Variants in ODF2 observed in about 807,000 individuals in gnomAD.
ODF2 encodes outer dense fiber of sperm tails 2.
A neutral mutation model predicts 110.2 loss-of-function variants in ODF2; 47 were observed. The observed-to-expected ratio is 0.43, with a 90% CI of 0.34 to 0.54. The LOEUF is 0.54. Ranked by LOEUF, ODF2 falls within the 20% of genes least tolerant of loss-of-function variation. The pLI, the probability that ODF2 is intolerant of heterozygous loss-of-function variation, is 0.03. For missense variants in ODF2, 812 were observed against 1,054.5 expected (o/e 0.77, Z 3.19); for synonymous variants, 352 against 397.7 (o/e 0.89, Z 1.37).
exon 2 of ODF2, chr9:128,457,395 G>T (rs767077912): frequency 1.9e-6 from 3 of 1,613,236 alleles, no homozygotes; most frequent in South Asian, 2.2e-5. Context: ...TTGCGGCTTT[G>T]ATGCCTAGCC....
chr9:128,485,074 T>G lies in ODF2; in HGVS notation c.1290+188T>G. ...ATCAAATGGGTAAAAGCTGGAGGGA[T>G]GGGTGGCTGGAGATGATTGGAGGCT... On this transcript the variant is annotated intron_variant, in intron 12 of 20. Coordinates refer to ENST00000604420, the Ensembl canonical transcript of ODF2. The surrounding 1 kb of genome is among the most constrained non-coding windows in gnomAD (Gnocchi z 5.0). 6.2e-6 allele frequency: 4 copies of G among 648,844 alleles called. No homozygotes were observed. The highest frequency in any genetic ancestry group is 2.8e-5 in the East Asian group (1 of 35,844). The allele number at this position is 648,844 out of a possible 1,614,324, so 40.2% of individuals were successfully genotyped here. A position where few individuals can be genotyped will look rare whatever the true frequency, so the allele number is the denominator to read the frequency against.
chr9:128,460,659 G>A, intron 3 of ODF2: 1 of 1,614,124 alleles, frequency 6.2e-7, no homozygotes, highest in Non-Finnish European at 8.5e-7. Flanking sequence ...TCAGCGACCA[G>A]CAGCCAGGTA....
rs751359242 is a variant in ODF2 at position 128,474,659 on chromosome 9, T to TA, written c.843+931dup. Among the ~76,000 whole-genome samples, 203 of 133,866 alleles carry TA rather than the reference T, an allele frequency of 1.5e-3. 1 individual carries two copies. Among genetic ancestry groups the TA allele is most frequent in the East Asian group, 0.012 (55 of 4,478 alleles). The allele number at this position is 133,866 out of a possible 152,430, so 87.8% of individuals were successfully genotyped here. On this transcript the variant is annotated intron_variant, in intron 8 of 20. Coordinates refer to ENST00000604420, the Ensembl canonical transcript of ODF2. ...CTCAGCGACAGAGCGAGACTCCATC[T>TA]AAAAAAAAAAAAACATGTCTGGGCC...
intron 1 of ODF2, chr9:128,456,680 T>G (rs1834890357): frequency 1.4e-6 from 2 of 1,424,636 alleles, no homozygotes; most frequent in African/African-American, 3.0e-5. Context: ...GGCCTCCACA[T>G]GGCAGTCACT....
At chr9:128,482,016 C>T (rs1564501616) in intron 9 of ODF2, among the ~76,000 whole-genome samples, 1 of 152,194 alleles carries the variant, frequency 6.6e-6, no homozygotes, top group Non-Finnish European at 1.5e-5. Flanking sequence ...CTAGGAATCT[C>T]TCCCAAAGCA....
At chr9:128,483,699 A>G (rs1438174818) in intron 10 of ODF2, among the ~76,000 whole-genome samples, 2 of 152,044 alleles carry the variant, frequency 1.3e-5, no homozygotes, top group Admixed American at 6.6e-5. Context: ...AGTCTGGCCA[A>G]CATGGTGAAA....
chr9:128,484,743 G>A, exon 12 of ODF2: 2 of 1,598,434 alleles, frequency 1.3e-6, no homozygotes, highest in Non-Finnish European at 1.7e-6. Flanking sequence ...AGAAGTGGAG[G>A]CCATCATGGA....
intron 1 of ODF2, chr9:128,457,014 G>A (rs1392602294): frequency 1.6e-6 from 2 of 1,269,322 alleles, no homozygotes; most frequent in African/African-American, 3.1e-5. Flanking sequence ...GGGCCGAGCG[G>A]TTCTCACCCG....
chr9:128,461,883 C>A (rs1836557464), intron 4 of ODF2, among the ~76,000 whole-genome samples: 2 of 152,188 alleles, frequency 1.3e-5, no homozygotes, highest in South Asian at 4.1e-4. Flanking sequence ...AGACTCCTTT[C>A]CCTTAGAGAC....
At chr9:128,487,566 T>G (rs1165262618) in intron 13 of ODF2, among the ~76,000 whole-genome samples, 4 of 152,024 alleles carry the variant, frequency 2.6e-5, no homozygotes. Flanking sequence ...GGCGGGCAGA[T>G]CACGAGGTCA....
At chr9:128,492,659 G>A (rs371793859) in intron 15 of ODF2, 42 bp from the exon 16 acceptor site, 68 of 1,588,800 alleles carry the variant, frequency 4.3e-5, no homozygotes, top group Non-Finnish European at 5.3e-5. Context: ...TCATCAAAAC[G>A]TGGCTCTACC....
At chr9:128,490,111 T>C (rs1222651357) in intron 14 of ODF2, among the ~76,000 whole-genome samples, 2 of 152,136 alleles carry the variant, frequency 1.3e-5, no homozygotes, top group Non-Finnish European at 2.9e-5. Context: ...AGAGGACTGC[T>C]TGAGGCCAGG....
At chr9:128,462,058 C>T (rs562835495) in intron 4 of ODF2, among the ~76,000 whole-genome samples, 8 of 150,752 alleles carry the variant, frequency 5.3e-5, no homozygotes, top group Non-Finnish European at 1.2e-4. Context: ...TTTTTTAAAA[C>T]AAAAACAATG....
At chr9:128,475,359 A>G (rs965836689) in intron 8 of ODF2, among the ~76,000 whole-genome samples, 3 of 152,212 alleles carry the variant, frequency 2.0e-5, no homozygotes, top group Non-Finnish European at 2.9e-5. Flanking sequence ...TTTGATAGTC[A>G]AATAAAAATT....
At chr9:128,462,755 A>G in intron 4 of ODF2, among the ~76,000 whole-genome samples, 1 of 152,136 alleles carries the variant, frequency 6.6e-6, no homozygotes, top group Non-Finnish European at 1.5e-5. Context: ...GCCCGCCACC[A>G]TGCCCGGCTA....
chr9:128,460,807 C>A, intron 3 of ODF2, 135 bp from the exon 4 acceptor site: 1 of 1,505,012 alleles, frequency 6.6e-7, no homozygotes, highest in Non-Finnish European at 9.1e-7. Context: ...AGAAGGTAGG[C>A]AGGCCTGTCA....
At chr9:128,463,510 T>C (rs1371484896) in intron 4 of ODF2, among the ~76,000 whole-genome samples, 2 of 152,016 alleles carry the variant, frequency 1.3e-5, no homozygotes, top group Non-Finnish European at 2.9e-5. Flanking sequence ...CCTACTTACT[T>C]GGAGGGGAGG....
At chr9:128,467,238 G>C (rs920704224) in intron 4 of ODF2, among the ~76,000 whole-genome samples, 1 of 150,528 alleles carries the variant, frequency 6.6e-6, no homozygotes, top group Non-Finnish European at 1.5e-5. Context: ...GCATGATGCC[G>C]TACAGAATAC....
In ODF2 at chr9:128,485,140, T is replaced by A. The variant is rs1012042095; in HGVS notation, c.1291-225T>A. 2.0e-5 allele frequency among the ~76,000 whole-genome samples: 3 copies of A among 152,060 alleles called. No homozygotes were observed. Among genetic ancestry groups the A allele is most frequent in the African/African-American group, 7.2e-5 (3 of 41,410 alleles). ...GCCACATCAGCTTTGTGGGTGAGAATAATGGTTAAGGAAGGATTTACAAAC... is the reference window on the plus strand; with the variant it reads ...GCCACATCAGCTTTGTGGGTGAGAAAAATGGTTAAGGAAGGATTTACAAAC... On this transcript the variant is annotated intron_variant, in intron 12 of 20. Coordinates refer to ENST00000604420, the Ensembl canonical transcript of ODF2. The surrounding 1 kb of genome is among the most constrained non-coding windows in gnomAD (Gnocchi z 5.0).
Sources: allele counts gnomAD v4.1 joint callset (sites outside exome capture counted in the v4.1 genomes callset), GRCh38; gene constraint gnomAD v4.1.1; non-coding constraint Gnocchi (gnomAD v3.1); transcripts MANE v1.5; gene names NCBI Gene and HGNC (gene_info 2026-07-23, HGNC 2026-07-21).